The following GPATCH2L variants were observed in gnomAD, a reference collection of about 807,000 sequenced individuals.
GPATCH2L encodes the protein G-patch domain containing 2 like, also known as G patch domain-containing protein 2-like.
A neutral mutation model predicts 57.4 loss-of-function variants in GPATCH2L; 31 were observed. That is an observed-to-expected ratio of 0.54 (90% CI 0.41 to 0.73). The LOEUF (loss-of-function observed/expected upper bound fraction) is 0.73. Among genes scored for constraint, GPATCH2L ranks in the 30% least tolerant of loss-of-function variants. GPATCH2L has a pLI of 0.00. For missense variants in GPATCH2L, 481 were observed against 599.9 expected (o/e 0.80, Z 2.07); for synonymous variants, 199 against 210.7 (o/e 0.94, Z 0.48).
chr14:76,220,010 A>G (rs1401795633), intron 1 of GPATCH2L, among the ~76,000 whole-genome samples: 1 of 151,992 alleles, frequency 6.6e-6, no homozygotes, highest in African/African-American at 2.4e-5. Flanking sequence ...CAAATCGTGC[A>G]TGAAATCCCT....
In GPATCH2L at chr14:76,201,929, A is replaced by AT. The variant is rs1361476933; in HGVS notation, c.*79dup. The stretch of plus-strand genomic sequence containing the variant: ...TGGACTTTGTGTTAGATAGTCTTGC[A>AT]TATCTTAATCGACATTCCCAGTCCT... On this transcript the variant is annotated 3_prime_UTR_variant, in exon 10 of 10. Coordinates refer to ENST00000261530, the MANE Select transcript of GPATCH2L (RefSeq NM_017926.4). 2 of 1,239,112 alleles carry AT rather than the reference A, an allele frequency of 1.6e-6. No homozygotes were observed. Among genetic ancestry groups the AT allele is most frequent in the African/African-American group, 3.0e-5 (2 of 65,690 alleles). 76.8% of individuals were successfully genotyped at this position (1,239,112 alleles called of 1,614,324 possible).
chr14:76,190,619 A>T (rs1172435482), intron 8 of GPATCH2L, among the ~76,000 whole-genome samples: 1 of 152,160 alleles, frequency 6.6e-6, no homozygotes, highest in African/African-American at 2.4e-5. Flanking sequence ...CAGTATTTTT[A>T]TCTAAATTTA....
intron 1 of GPATCH2L, among the ~76,000 whole-genome samples, chr14:76,227,422 A>AG (rs1389461598): frequency 1.3e-5 from 2 of 152,134 alleles, no homozygotes; most frequent in Non-Finnish European, 2.9e-5. Context: ...ACCAGAGTCC[A>AG]GGGGGGAGGG....
rs766332292 is a variant in GPATCH2L, at chr14:76,154,423, G to A, written c.60G>A (p.Lys20=). The A allele has an allele frequency of 6.2e-7, 1 of 1,614,168 alleles. No homozygotes were observed. Among genetic ancestry groups the A allele is most frequent in the South Asian group, 1.1e-5 (1 of 91,086 alleles). Residue 20 remains lysine, a synonymous_variant, in exon 2 of 10, where the codon AAG becomes AAA. Transcript: ENST00000261530. This position sits in a 1 kb window ranked among gnomAD's most constrained non-coding sequence, Gnocchi z 4.4. The part of the protein sequence containing the change: ...SALEQTSEQN[K]LGELWEEMAL... ...TGGAGCAGACATCTGAGCAGAATAA[G>A]CTTGGTGAACTGTGGGAGGAGATGG... is the stretch of plus-strand genomic sequence containing the variant.
At chr14:76,168,966 T>G (rs1404962141) in intron 3 of GPATCH2L, among the ~76,000 whole-genome samples, 2 of 152,156 alleles carry the variant, frequency 1.3e-5, no homozygotes, top group Admixed American at 1.3e-4. Context: ...ATAACCACAG[T>G]TCTTTGGGTT....
At chr14:76,165,587 TAA>T (rs547416822) in intron 2 of GPATCH2L, among the ~76,000 whole-genome samples, 2 of 145,522 alleles carry the variant, frequency 1.4e-5, no homozygotes. Context: ...TCCCAGAACT[TAA>T]AAAAAAAAAA....
chr14:76,228,743 G>A (rs1043013673), intron 1 of GPATCH2L, among the ~76,000 whole-genome samples: 14 of 152,194 alleles, frequency 9.2e-5, no homozygotes, highest in African/African-American at 3.4e-4. Flanking sequence ...GTGAAAGGAT[G>A]TGACAGTGTC....
chr14:76,153,216 G>A (rs941588662), intron 1 of GPATCH2L, among the ~76,000 whole-genome samples: 1 of 152,216 alleles, frequency 6.6e-6, no homozygotes, highest in African/African-American at 2.4e-5. Context: ...GAATGAATGG[G>A]AATATGGTCA....
intron 3 of GPATCH2L, among the ~76,000 whole-genome samples, chr14:76,170,277 G>A (rs554561389): frequency 6.6e-6 from 1 of 152,302 alleles, no homozygotes; most frequent in African/African-American, 2.4e-5. Context: ...GGAATCCAGT[G>A]TACATTAGAG....
intron 2 of GPATCH2L, among the ~76,000 whole-genome samples, chr14:76,159,857 G>T (rs751826443): frequency 6.6e-6 from 1 of 152,224 alleles, no homozygotes; most frequent in Admixed American, 6.5e-5. Context: ...CTCAGGCCGG[G>T]CGTGGTGGCT....
rs545889678 is a variant in GPATCH2L, at chr14:76,184,425, C to G, written c.1193+3576C>G. ...ACACTGCCAATTCCATTCTCCTAAG[C>G]AAGAGCAAGGGCTTTTCAACAGTTT... On this transcript the variant is annotated intron_variant, in intron 8 of 9. Coordinates refer to ENST00000261530, the MANE Select transcript of GPATCH2L (RefSeq NM_017926.4). 6.7e-5 allele frequency among the ~76,000 whole-genome samples: 10 copies of G among 148,442 alleles called. No individual in the cohort carries two copies. The East Asian group carries it at 2.0e-3, about 30-fold the overall frequency.
intron 7 of GPATCH2L, chr14:76,178,393 C>G: frequency 2.1e-6 from 1 of 480,226 alleles, no homozygotes; most frequent in South Asian, 2.7e-5. Flanking sequence ...TCACCAGGAA[C>G]CATTTTTGTA....
chr14:76,180,817 C>T lies in GPATCH2L; in HGVS notation c.1161C>T (p.His387=), dbSNP rs775501739. 2.5e-6 allele frequency: 4 copies of T among 1,613,080 alleles called. No homozygotes were observed. In the South Asian group the frequency reaches 3.3e-5, roughly 13 times the overall value. Residue 387 remains histidine (H), a synonymous_variant, in exon 8 of 10, where the codon CAC becomes CAT. Transcript: ENST00000261530. ...TGGATGTTCTTGCCGATGCTTCTCA[C>T]CGAAGGTGTTCACCAGCACACTGCT... ...YSLDVLADAS[H]RRCSPAHCSA... is the part of the protein sequence containing the mutation.
In GPATCH2L at chr14:76,173,559, C is replaced by G. The variant is rs752797272; in HGVS notation, c.918C>G (p.Arg306=). ...TTCTTTTTTTAGGGTACCATACTCG[C>G]TTGAATCGTCTACCTGGAGCTGCAG... ...SRPAQRGYHT[R]LNRLPGAAAR... is the part of the protein sequence containing the mutation. Residue 306 remains arginine (R), a synonymous_variant, in exon 5 of 10, where the codon CGC becomes CGG. Transcript: ENST00000261530. The G allele has an allele frequency of 1.2e-6, 2 of 1,611,882 alleles. No homozygotes were observed. The highest frequency in any genetic ancestry group is 1.7e-5 in the Admixed American group (1 of 59,794).
chr14:76,156,219 G>T (rs2038299596), intron 2 of GPATCH2L, among the ~76,000 whole-genome samples: 1 of 152,138 alleles, frequency 6.6e-6, no homozygotes, highest in East Asian at 1.9e-4. Flanking sequence ...GAGTTGTTCT[G>T]TCTCAATTTA....
At position 76,213,350 on chromosome 14, in the gene GPATCH2L, A is replaced by G. The variant is rs1386754383; in HGVS notation, c.*11499A>G. 1 of 152,188 alleles carries G rather than the reference A, an allele frequency of 6.6e-6. No individual in the cohort carries two copies. The highest frequency in any genetic ancestry group is 1.5e-5 in the Non-Finnish European group (1 of 68,020). The allele number at this position is 152,188 out of a possible 1,614,324, so 9.4% of individuals were successfully genotyped here. ...TTGCCAAAAAATGACATCAAAAGAAATCTAATATAACAATTGTCATAGAAG... is the reference window on the plus strand; with the variant it reads ...TTGCCAAAAAATGACATCAAAAGAAGTCTAATATAACAATTGTCATAGAAG... On this transcript the variant is annotated 3_prime_UTR_variant, in exon 10 of 10. Coordinates refer to ENST00000261530, the MANE Select transcript of GPATCH2L (RefSeq NM_017926.4).
chr14:76,219,417 A>G (rs2040504108), intron 1 of GPATCH2L, among the ~76,000 whole-genome samples: 1 of 152,226 alleles, frequency 6.6e-6, no homozygotes, highest in African/African-American at 2.4e-5. Context: ...TATAATGGCA[A>G]ATGTGTAGTT....
Position 76,156,486 on chromosome 14 carries a change from T to C in GPATCH2L, c.662+1461T>C, listed in dbSNP as rs1337378643. ...TAATTTTCCTCTAATGCCTCATTCC[T>C]TCTAAGGTCTATTTGCAGAATTTAT... On this transcript the variant is annotated intron_variant, in intron 2 of 9. Coordinates refer to ENST00000261530, the MANE Select transcript of GPATCH2L (RefSeq NM_017926.4). 4.6e-5 allele frequency among the ~76,000 whole-genome samples: 7 copies of C among 152,254 alleles called. No homozygotes were observed. In the East Asian group the frequency reaches 1.2e-3, roughly 25 times the overall value.
rs529412408 is a variant in GPATCH2L at position 76,202,424 on chromosome 14, C to T, written c.*573C>T. On this transcript the variant is annotated 3_prime_UTR_variant, in exon 10 of 10. Coordinates refer to ENST00000261530, the MANE Select transcript of GPATCH2L (RefSeq NM_017926.4). ...CCAGCAACTGGGCCTTGAGAACTTC[C>T]ATTTTTTTGCAGATTGTCTGCAGAA... 1 of 152,736 alleles carries T rather than the reference C, an allele frequency of 6.5e-6. No individual in the cohort carries two copies. Among genetic ancestry groups the T allele is most frequent in the African/African-American group, 2.4e-5 (1 of 41,544 alleles). The allele number at this position is 152,736 out of a possible 1,614,324, so 9.5% of individuals were successfully genotyped here. A position where few individuals can be genotyped will look rare whatever the true frequency, so the allele number is the denominator to read the frequency against.
Sources: gnomAD v4.1 joint callset for allele counts (sites outside exome capture counted in the v4.1 genomes callset) on GRCh38, gnomAD v4.1.1 for gene constraint, Gnocchi (gnomAD v3.1) non-coding constraint, MANE v1.5 for transcripts, NCBI Gene and HGNC (gene_info 2026-07-23, HGNC 2026-07-21) for gene names.